The following SERPINB9 variants were observed in gnomAD, a reference collection of about 807,000 sequenced individuals.
The protein encoded by SERPINB9 is serpin B9.
Under a neutral mutation model 27.2 loss-of-function variants are expected in SERPINB9, and 20 were observed. The ratio of observed to expected loss-of-function variants is 0.74; its 90% CI spans 0.52 to 1.07. SERPINB9 has a LOEUF of 1.07. SERPINB9 is among the 50% of genes least tolerant of loss of function. The pLI is 0.00. For missense variants in SERPINB9, 476 were observed against 460.1 expected, an observed-to-expected ratio of 1.03 and a Z score of -0.32; for synonymous variants, 189 against 180.0, an observed-to-expected ratio of 1.05 and a Z score of -0.40.
chr6:2,901,178 C>T (rs1446373558), intron 1 of SERPINB9, among the ~76,000 whole-genome samples: 5 of 152,150 alleles, frequency 3.3e-5, no homozygotes, highest in African/African-American at 1.2e-4. Context: ...CAAGTGAGTG[C>T]GTCCTGGACA....
rs377325053 is a variant in SERPINB9, at chr6:2,900,427, C to T, written c.168+17G>A. ...AGCCCAGGCCAGTCCCTGCTCCTGG[C>T]GGACGGGCAAGCTTACCTGGGCCAT... On this transcript the variant is annotated intron_variant, in intron 2 of 6. Transcript: ENST00000380698. The T allele has an allele frequency of 3.1e-6, 5 of 1,612,370 alleles. No homozygotes were observed. The highest frequency in any genetic ancestry group is 2.7e-5 in the African/African-American group (2 of 74,988).
intron 4 of SERPINB9, 40 bp downstream of exon 4, chr6:2,895,351 G>A: frequency 7.4e-7 from 1 of 1,343,094 alleles, no homozygotes; most frequent in South Asian, 1.2e-5. Context: ...GCAGGAGGAG[G>A]ACGGGTTGGG....
chr6:2,900,237 C>CA (rs1237280317), intron 2 of SERPINB9, among the ~76,000 whole-genome samples: 1 of 152,106 alleles, frequency 6.6e-6, no homozygotes, highest in Non-Finnish European at 1.5e-5. Context: ...AAGTTTCCCC[C>CA]AAATAAATCT....
Position 2,890,771 on chromosome 6 carries a change from G to C in SERPINB9, c.724-201C>G, listed in dbSNP as rs1767772005. Among the ~76,000 whole-genome samples the C allele has an allele frequency of 6.6e-6, 1 of 152,122 alleles. No individual in the cohort carries two copies. Among genetic ancestry groups the C allele is most frequent in the African/African-American group, 2.4e-5 (1 of 41,418 alleles). The stretch of plus-strand genomic sequence containing the variant: ...TGCCACTTCCTTGACAAGGGGGAGA[G>C]ACACCAAGCAGTCAGAGGCAGGAAG... On this transcript the variant is annotated intron_variant, in intron 6 of 6. Transcript: ENST00000380698. The surrounding 1 kb of genome is among the most constrained non-coding windows in gnomAD (Gnocchi z 6.2).
Position 2,891,881 on chromosome 6 carries a change from C to T in SERPINB9, c.675G>A (p.Glu225=). The T allele has an allele frequency of 6.2e-7, 1 of 1,612,042 alleles. No individual in the cohort carries two copies. Among genetic ancestry groups the T allele is most frequent in the Middle Eastern group, 1.7e-4 (1 of 6,060 alleles). The change falls in exon 6 of 7, where the codon GAG becomes GAA. Residue 225 remains glutamate, a synonymous_variant. Transcript: ENST00000380698. The surrounding 1 kb of genome is among the most constrained non-coding windows in gnomAD (Gnocchi z 4.0). The stretch of plus-strand genomic sequence containing the variant: ...CAGGCAGCAGCACCAGCAGGCTCAG[C>T]TCCTTCCTGGCGTAGGGCAGCTCCA... The part of the protein sequence containing the change: ...QLLELPYARK[E]LSLLVLLPDD...
Position 2,888,721 on chromosome 6 carries a change from AGAG to A in SERPINB9, c.*1439_*1441del, listed in dbSNP as rs748315483. 2.6e-5 allele frequency: 4 copies of A among 152,204 alleles called. No individual in the cohort carries two copies. Among genetic ancestry groups the A allele is most frequent in the Non-Finnish European group, 5.9e-5 (4 of 68,040 alleles). The allele number at this position is 152,204 out of a possible 1,614,324, so 9.4% of individuals were successfully genotyped here. A position where few individuals can be genotyped will look rare whatever the true frequency, so the allele number is the denominator to read the frequency against. On this transcript the variant is annotated 3_prime_UTR_variant, in exon 7 of 7. Transcript: ENST00000380698. ...GCTTAATGGGATGGGGTTTCCTTTT[AGAG>A]GAGAACATTTTTTTTGGAACTTTAA...
rs1768231170 is a variant in SERPINB9 at position 2,902,277 on chromosome 6, C to T, written c.-11+924G>A. On this transcript the variant is annotated intron_variant, in intron 1 of 6. Transcript: ENST00000380698. ...CCACCCTGGAGGAGGTTCTCTTGACCCCGCCGGCGCGACCCTCCCCAGCAC... is the reference window on the plus strand; with the variant it reads ...CCACCCTGGAGGAGGTTCTCTTGACTCCGCCGGCGCGACCCTCCCCAGCAC... 2.0e-5 allele frequency among the ~76,000 whole-genome samples: 3 copies of T among 152,320 alleles called. No individual in the cohort carries two copies. In the South Asian group the frequency reaches 6.2e-4, roughly 32 times the overall value.
In SERPINB9 at chr6:2,896,196, G is replaced by A. The variant is rs766380391; in HGVS notation, c.169-6C>T. The A allele has an allele frequency of 1.2e-6, 2 of 1,611,784 alleles. No homozygotes were observed. The highest frequency in any genetic ancestry group is 8.5e-7 in the Non-Finnish European group (1 of 1,179,296). ...TCTGTGTTTAAAGACAGTGCCTGTT[G>A]TGAAAGATAATTTTAAAAGTTATCA... On this transcript the variant is annotated splice_region_variant and splice_polypyrimidine_tract_variant and intron_variant, in intron 2 of 6. Transcript: ENST00000380698.
At chr6:2,892,082 C>T in intron 5 of SERPINB9, 94 bp from the exon 6 acceptor site, 1 of 731,242 alleles carries the variant, frequency 1.4e-6, no homozygotes, top group Non-Finnish European at 2.1e-6. Context: ...TGGAAACCGC[C>T]ACATTCATGC....
intron 5 of SERPINB9, 75 bp downstream of exon 5, chr6:2,893,332 CACTT>C (rs1342104452): frequency 1.3e-4 from 185 of 1,438,132 alleles, no homozygotes; most frequent in Non-Finnish European, 1.7e-4. Flanking sequence ...ACGCTTATGT[CACTT>C]ACACTTTTAC....
At chr6:2,892,168 G>C (rs914283954) in intron 5 of SERPINB9, among the ~76,000 whole-genome samples, 180 bp from the exon 6 acceptor site, 1 of 127,218 alleles carries the variant, frequency 7.9e-6, no homozygotes, top group Non-Finnish European at 1.6e-5. Context: ...TTCATTGCAA[G>C]CAGACACAGT....
chr6:2,902,728 G>A (rs1203433684), intron 1 of SERPINB9, among the ~76,000 whole-genome samples: 1 of 152,106 alleles, frequency 6.6e-6, no homozygotes, highest in Non-Finnish European at 1.5e-5. Context: ...ACGTTTGCCA[G>A]ACTGGTCTCG....
rs1036318094 is a variant in SERPINB9, at chr6:2,901,631, C to T, written c.-10-1010G>A. Among the ~76,000 whole-genome samples the T allele has an allele frequency of 9.2e-5, 14 of 152,250 alleles. No homozygotes were observed. In the South Asian group the frequency reaches 2.3e-3, roughly 25 times the overall value. On this transcript the variant is annotated intron_variant, in intron 1 of 6. Transcript: ENST00000380698. ...CCTGAAACCAAATGAACCCCCACCCCCAGGCTGCAGTTCCCAGTGCACTTG... is the reference window on the plus strand; with the variant it reads ...CCTGAAACCAAATGAACCCCCACCCTCAGGCTGCAGTTCCCAGTGCACTTG...
In SERPINB9 at chr6:2,900,678, C is replaced by G. The variant is rs375916862; in HGVS notation, c.-10-57G>C. 3.4e-6 allele frequency: 5 copies of G among 1,450,350 alleles called. No individual in the cohort carries two copies. In the South Asian group the frequency reaches 6.3e-5, roughly 18 times the overall value. 89.8% of individuals were successfully genotyped at this position (1,450,350 alleles called of 1,614,324 possible). ...TCCACACTCCCTGAATGTTACTGAC[C>G]TACTTACTACAGGGCAATTTTGGAA... On this transcript the variant is annotated intron_variant, in intron 1 of 6. Transcript: ENST00000380698.
chr6:2,898,626 A>C (rs147317718), intron 2 of SERPINB9, among the ~76,000 whole-genome samples: 1 of 152,074 alleles, frequency 6.6e-6, no homozygotes, highest in Admixed American at 6.5e-5. Context: ...GACCATCCTG[A>C]CTAACACAGT....
intron 2 of SERPINB9, among the ~76,000 whole-genome samples, chr6:2,898,426 T>C (rs1366573190): frequency 6.6e-6 from 1 of 152,234 alleles, no homozygotes; most frequent in Non-Finnish European, 1.5e-5. Context: ...GCACTTGCTT[T>C]ACATGGACTG....
At chr6:2,895,153 T>A (rs1767950061) in intron 4 of SERPINB9, among the ~76,000 whole-genome samples, 1 of 152,208 alleles carries the variant, frequency 6.6e-6, no homozygotes, top group Admixed American at 6.5e-5. Flanking sequence ...AGAACCTTTA[T>A]GAGTCCATCA....
chr6:2,897,140 C>T (rs1297668001), intron 2 of SERPINB9, among the ~76,000 whole-genome samples: 1 of 143,764 alleles, frequency 7.0e-6, no homozygotes, highest in Non-Finnish European at 1.5e-5. Flanking sequence ...AAAAAAAAAA[C>T]ACAAAAAATC....
Position 2,903,275 on chromosome 6 carries a change from A to G in SERPINB9, c.-85T>C, listed in dbSNP as rs116210820. ...TGGACGCCGACCCCCGAGGCGCAGG[A>G]CCCGGCCCTGCTGCTGCGCTCGCCG... On this transcript the variant is annotated 5_prime_UTR_variant, in exon 1 of 7. Coordinates refer to ENST00000380698, the MANE Select transcript of SERPINB9 (RefSeq NM_004155.6). This position sits in a 1 kb window ranked among gnomAD's most constrained non-coding sequence, Gnocchi z 5.2. The G allele has an allele frequency of 1.3e-5, 2 of 152,056 alleles. No homozygotes were observed. The highest frequency in any genetic ancestry group is 2.9e-5 in the Non-Finnish European group (2 of 68,016). 9.4% of individuals were successfully genotyped at this position (152,056 alleles called of 1,614,324 possible). A position where few individuals can be genotyped will look rare whatever the true frequency, so the allele number is the denominator to read the frequency against.
Sources: allele counts gnomAD v4.1 joint callset (sites outside exome capture counted in the v4.1 genomes callset), GRCh38; gene constraint gnomAD v4.1.1; non-coding constraint Gnocchi (gnomAD v3.1); transcripts MANE v1.5; gene names NCBI Gene and HGNC (gene_info 2026-07-23, HGNC 2026-07-21).